The following WAPL variants were observed in gnomAD, a reference collection of about 807,000 sequenced individuals.
WAPL encodes the protein wings apart-like protein homolog.
A neutral mutation model predicts 121.0 loss-of-function variants in WAPL; 5 were observed. The ratio of observed to expected loss-of-function variants is 0.04; its 90% confidence interval spans 0.02 to 0.09. WAPL has a LOEUF of 0.09. Ranked by LOEUF, WAPL falls within the 10% of genes least tolerant of loss-of-function variation. The pLI is 1.00. For missense variants in WAPL, 999 were observed against 1,410.8 expected, an observed-to-expected ratio of 0.71 and a Z score of 4.68; for synonymous variants, 480 against 481.5, an observed-to-expected ratio of 1.00 and a Z score of 0.04.
intron 4 of WAPL, among the ~76,000 whole-genome samples, chr10:86,482,805 G>T (rs1341812074): frequency 6.6e-6 from 1 of 152,216 alleles, no homozygotes; most frequent in East Asian, 1.9e-4. Flanking sequence ...AGAGTGGAAA[G>T]GTGGTTGCCA....
At chr10:86,451,085 G>A (rs1401459520) in intron 15 of WAPL, among the ~76,000 whole-genome samples, 1 of 151,924 alleles carries the variant, frequency 6.6e-6, no homozygotes, top group Non-Finnish European at 1.5e-5. Context: ...CGAAGTGGAT[G>A]TGATGGGCCT....
At chr10:86,481,862 AG>A (rs1841798077) in intron 4 of WAPL, among the ~76,000 whole-genome samples, 1 of 151,894 alleles carries the variant, frequency 6.6e-6, no homozygotes, top group Non-Finnish European at 1.5e-5. Flanking sequence ...AAAAAAAAAA[AG>A]TAAGAATGGA....
chr10:86,443,257 A>T lies in WAPL; in HGVS notation c.3411+18T>A. On this transcript the variant is annotated intron_variant, in intron 17 of 18. Transcript: ENST00000298767. ...ATCTTTCAAAGATACATAAAACATCACTGAACTATGTACTTACTGGACTTT... is the reference window on the plus strand; with the variant it reads ...ATCTTTCAAAGATACATAAAACATCTCTGAACTATGTACTTACTGGACTTT... 2 of 1,573,866 alleles carry T rather than the reference A, an allele frequency of 1.3e-6. No homozygotes were observed. The highest frequency in any genetic ancestry group is 1.7e-6 in the Non-Finnish European group (2 of 1,144,090).
At chr10:86,497,414 G>C (rs575053452) in intron 3 of WAPL, 95 bp from the exon 4 acceptor site, 5 of 914,388 alleles carry the variant, frequency 5.5e-6, no homozygotes, top group Non-Finnish European at 8.6e-6. Flanking sequence ...GAATGAAAAT[G>C]GGAAGAAAAG....
At chr10:86,486,353 T>C (rs1213490244) in intron 4 of WAPL, among the ~76,000 whole-genome samples, 1 of 152,200 alleles carries the variant, frequency 6.6e-6, no homozygotes, top group East Asian at 1.9e-4. Flanking sequence ...GTCTCTTCAA[T>C]TGTAAGATTT....
chr10:86,512,800 A>C (rs910192782), intron 2 of WAPL, among the ~76,000 whole-genome samples: 1 of 152,252 alleles, frequency 6.6e-6, no homozygotes. Context: ...AAACAGATGC[A>C]ACAAGATCTG....
intron 4 of WAPL, among the ~76,000 whole-genome samples, chr10:86,485,099 C>A (rs1267849682): frequency 6.7e-6 from 1 of 150,214 alleles, no homozygotes; most frequent in Admixed American, 6.6e-5. Flanking sequence ...CCCTACCCCC[C>A]TCCTTCCCAT....
At chr10:86,452,558 C>T (rs1478918548) in intron 14 of WAPL, among the ~76,000 whole-genome samples, 2 of 151,394 alleles carry the variant, frequency 1.3e-5, no homozygotes, top group Non-Finnish European at 2.9e-5. Flanking sequence ...TGCCACTGCA[C>T]TCCAGCCTGG....
chr10:86,443,180 C>T, intron 17 of WAPL, 95 bp downstream of exon 17: 1 of 957,144 alleles, frequency 1.0e-6, no homozygotes, highest in African/African-American at 1.6e-5. Context: ...GGGGGAAACA[C>T]TGAAGAAATA....
Position 86,463,215 on chromosome 10 carries a change from C to G in WAPL, c.2371-1928G>C, listed in dbSNP as rs1034699607. Among the ~76,000 whole-genome samples, 34 of 152,338 alleles carry G rather than the reference C, an allele frequency of 2.2e-4. No homozygotes were observed. The Middle Eastern group carries it at 0.01, about 46-fold the overall frequency. On this transcript the variant is annotated intron_variant, in intron 9 of 18. Transcript: ENST00000298767. ...CTGAGAGACAAGGATCACTTGAACCCAGAAAGTGGAGGTTGCAGTGAGCTG... is the reference window on the plus strand; with the variant it reads ...CTGAGAGACAAGGATCACTTGAACCGAGAAAGTGGAGGTTGCAGTGAGCTG...
At chr10:86,460,854 C>T (rs1012384594) in intron 10 of WAPL, among the ~76,000 whole-genome samples, 1 of 152,122 alleles carries the variant, frequency 6.6e-6, no homozygotes, top group Non-Finnish European at 1.5e-5. Context: ...GCTGGGATTA[C>T]AAGCATGCAC....
intron 3 of WAPL, among the ~76,000 whole-genome samples, chr10:86,498,795 G>A (rs1299923459): frequency 1.3e-5 from 2 of 152,152 alleles, no homozygotes; most frequent in African/African-American, 4.8e-5. Flanking sequence ...GTCTCTCACA[G>A]TGGAGACTGA....
chr10:86,514,407 C>T (rs2132233427), intron 2 of WAPL, among the ~76,000 whole-genome samples: 1 of 152,306 alleles, frequency 6.6e-6, no homozygotes, highest in East Asian at 1.9e-4. Flanking sequence ...AAGGTTGTTG[C>T]AACTCTGGAT....
rs1472002818 is a variant in WAPL at position 86,437,738 on chromosome 10, G to A, written c.3508-130C>T. 3 of 1,096,370 alleles carry A rather than the reference G, an allele frequency of 2.7e-6. No homozygotes were observed. In the East Asian group the frequency reaches 7.7e-5, roughly 28 times the overall value. The allele number at this position is 1,096,370 out of a possible 1,614,324, so 67.9% of individuals were successfully genotyped here. ...AATCAAAGTACACCGAGATTAAATT[G>A]TGGGTTTGATAAAGTTATTTGCCAT... is the stretch of plus-strand genomic sequence containing the variant. On this transcript the variant is annotated intron_variant, in intron 18 of 18. Coordinates refer to ENST00000298767, the MANE Select transcript of WAPL (RefSeq NM_015045.5).
At chr10:86,480,534 A>C (rs1841757458) in intron 4 of WAPL, among the ~76,000 whole-genome samples, 1 of 152,246 alleles carries the variant, frequency 6.6e-6, no homozygotes, top group African/African-American at 2.4e-5. Context: ...CTAAAATAAC[A>C]GTTCTCACAA....
rs1841990352 is a variant in WAPL, at chr10:86,489,291, G to A, written c.1644+7910C>T. 2.0e-5 allele frequency among the ~76,000 whole-genome samples: 3 copies of A among 152,170 alleles called. No individual in the cohort carries two copies. In the South Asian group the frequency reaches 6.2e-4, roughly 31 times the overall value. ...GGAGACATGGGGGTGTAGTTTAGTT[G>A]TTTTGCTATAAAGAACATTACTGGG... On this transcript the variant is annotated intron_variant, in intron 4 of 18. Transcript: ENST00000298767.
intron 2 of WAPL, among the ~76,000 whole-genome samples, chr10:86,506,033 GACT>G (rs1290229868): frequency 1.3e-5 from 2 of 152,108 alleles, no homozygotes; most frequent in African/African-American, 4.8e-5. Flanking sequence ...AAGGTGTGAG[GACT>G]ACTTGAGCTC....
At chr10:86,495,214 T>C (rs888565129) in intron 4 of WAPL, among the ~76,000 whole-genome samples, 1 of 152,168 alleles carries the variant, frequency 6.6e-6, no homozygotes, top group Non-Finnish European at 1.5e-5. Context: ...TGCTGGACCA[T>C]ATTACATTTT....
At chr10:86,465,429 C>T (rs533440801) in intron 9 of WAPL, among the ~76,000 whole-genome samples, 1 of 152,330 alleles carries the variant, frequency 6.6e-6, no homozygotes, top group East Asian at 1.9e-4. Flanking sequence ...TGGTCTCGAA[C>T]TCCTGGTCTC....
Sources: gnomAD v4.1 joint callset for allele counts (sites outside exome capture counted in the v4.1 genomes callset) on GRCh38, gnomAD v4.1.1 for gene constraint, MANE v1.5 for transcripts, NCBI Gene and HGNC (gene_info 2026-07-23, HGNC 2026-07-21) for gene names.